The following LAMA2 variants were observed in gnomAD, a reference collection of about 807,000 sequenced individuals.
LAMA2 encodes laminin subunit alpha-2.
In LAMA2, 269 loss-of-function variants were observed where a neutral mutation model predicts 364.8. The ratio of observed to expected loss-of-function variants is 0.74; its 90% confidence interval spans 0.67 to 0.82. The LOEUF (loss-of-function observed/expected upper bound fraction) is 0.82, where lower values mean the gene tolerates loss of function less well. Ranked by LOEUF, LAMA2 falls within the 40% of genes least tolerant of loss-of-function variation. The probability of loss-of-function intolerance (pLI) is 0.00; values close to 1 mark genes in which losing one functional copy is unlikely to be tolerated. For synonymous variants in LAMA2, 1,379 were observed against 1,370.6 expected, an observed-to-expected ratio of 1.01 and a Z score of -0.14; for missense variants, 3,807 against 3,873.2, an observed-to-expected ratio of 0.98 and a Z score of 0.45.
chr6:129,401,528 A>G (rs987679452), intron 38 of LAMA2, among the ~76,000 whole-genome samples, 188 bp downstream of exon 38: 2 of 152,244 alleles, frequency 1.3e-5, no homozygotes, highest in African/African-American at 4.8e-5. Flanking sequence ...CTCCCAATGG[A>G]CATGAGTGTT....
chr6:129,010,579 A>G (rs1381405100), intron 1 of LAMA2, among the ~76,000 whole-genome samples: 1 of 152,252 alleles, frequency 6.6e-6, no homozygotes, highest in African/African-American at 2.4e-5. Context: ...CTCTAAGGTC[A>G]TAACGTGAAA....
chr6:129,124,637 C>A (rs902588843), intron 4 of LAMA2, among the ~76,000 whole-genome samples: 3 of 152,222 alleles, frequency 2.0e-5, no homozygotes, highest in Non-Finnish European at 4.4e-5. Flanking sequence ...AGCCACCAAG[C>A]TGTGTCAGGC....
intron 32 of LAMA2, among the ~76,000 whole-genome samples, chr6:129,362,688 T>A (rs1248587130): frequency 6.6e-6 from 1 of 152,166 alleles, no homozygotes; most frequent in South Asian, 2.1e-4. Flanking sequence ...TAAGTAATAA[T>A]GTAGCCCAAA....
intron 12 of LAMA2, among the ~76,000 whole-genome samples, chr6:129,194,417 G>A (rs1781718238): frequency 6.6e-6 from 1 of 152,036 alleles, no homozygotes; most frequent in Admixed American, 6.6e-5. Flanking sequence ...AGGAAAGCAA[G>A]CAAATGGAAT....
At chr6:129,456,629 ATTTAC>A in intron 48 of LAMA2, 135 bp downstream of exon 48, 1 of 865,680 alleles carries the variant, frequency 1.2e-6, no homozygotes. Flanking sequence ...GAAAACATGA[ATTTAC>A]TTTGAGTAAG....
chr6:129,356,797 A>G (rs1228124403), intron 32 of LAMA2, among the ~76,000 whole-genome samples: 2 of 152,238 alleles, frequency 1.3e-5, no homozygotes, highest in East Asian at 1.9e-4. Flanking sequence ...TAATCTCAGT[A>G]ATGACATTTA....
intron 12 of LAMA2, among the ~76,000 whole-genome samples, chr6:129,217,711 A>G (rs1783515722): frequency 6.6e-6 from 1 of 152,266 alleles, no homozygotes; most frequent in East Asian, 1.9e-4. Flanking sequence ...ACCTTTTTGA[A>G]TACTTCACAT....
intron 1 of LAMA2, among the ~76,000 whole-genome samples, chr6:128,942,059 T>C (rs1780194848): frequency 6.6e-6 from 1 of 152,192 alleles, no homozygotes; most frequent in Non-Finnish European, 1.5e-5. Flanking sequence ...AATTCCAAGA[T>C]ATATGAGTAA....
At chr6:129,179,630 A>G (rs73599046) in intron 10 of LAMA2, among the ~76,000 whole-genome samples, 2,148 of 152,206 alleles carry the variant, frequency 0.014, 40 homozygotes, top group African/African-American at 0.048. Context: ...TTGAAGCTCT[A>G]CACAGACAAT....
In LAMA2 at chr6:129,104,173, T is replaced by C. The variant is rs539801127; in HGVS notation, c.639+5758T>C. ...CAGCCTCCAGCTAATTTTTTAAAATTTTTTTGTAGAGACAGGGTCTTGCTA... is the reference window on the plus strand; with the variant it reads ...CAGCCTCCAGCTAATTTTTTAAAATCTTTTTGTAGAGACAGGGTCTTGCTA... On this transcript the variant is annotated intron_variant, in intron 4 of 64. Transcript: ENST00000421865. Among the ~76,000 whole-genome samples the C allele has an allele frequency of 1.8e-3, 274 of 152,208 alleles. 1 individual carries two copies. Among genetic ancestry groups the C allele is most frequent in the African/African-American group, 6.3e-3 (262 of 41,532 alleles).
At position 129,098,221 on chromosome 6, in the gene LAMA2, C is replaced by T. The variant is rs1775303155; in HGVS notation, c.445C>T (p.Pro149Ser). The T allele has an allele frequency of 2.5e-6, 4 of 1,613,942 alleles. No individual in the cohort carries two copies. The highest frequency in any genetic ancestry group is 1.7e-6 in the Non-Finnish European group (2 of 1,179,990). Residue 149 changes from proline (P) to serine (S), a missense_variant, in exon 4 of 65, where the codon CCT becomes TCT. Physicochemically the swap from Pro to Ser is moderately conservative, Grantham distance 74. Transcript: ENST00000421865. ...TGTGAAGGCAGCTAACTCCCCCCGG[C>T]CTGGAAACTGGATTTTGGAACGCTC... ...VIVKAANSPRPGNWILERSLD... is the reference protein window; with the variant it reads ...VIVKAANSPRSGNWILERSLD...
intron 1 of LAMA2, among the ~76,000 whole-genome samples, chr6:128,952,269 T>C (rs1780872167): frequency 6.6e-6 from 1 of 152,218 alleles, no homozygotes; most frequent in East Asian, 1.9e-4. Context: ...CAAATATCTT[T>C]CCTAGAGTAT....
chr6:129,231,871 T>C (rs1480172330), intron 12 of LAMA2, among the ~76,000 whole-genome samples: 1 of 152,140 alleles, frequency 6.6e-6, no homozygotes, highest in Non-Finnish European at 1.5e-5. Flanking sequence ...AATGTCCAGC[T>C]TCTGAAATGG....
At chr6:129,123,422 A>G (rs577861069) in intron 4 of LAMA2, among the ~76,000 whole-genome samples, 2 of 152,194 alleles carry the variant, frequency 1.3e-5, no homozygotes, top group African/African-American at 4.8e-5. Context: ...TCAAAGAGAT[A>G]TCTGCATTTC....
chr6:129,413,640 A>C (rs1780645747), intron 40 of LAMA2, among the ~76,000 whole-genome samples: 1 of 152,202 alleles, frequency 6.6e-6, no homozygotes, highest in Non-Finnish European at 1.5e-5. Flanking sequence ...AAAAAGTTTT[A>C]AAATAAAAAA....
intron 14 of LAMA2, among the ~76,000 whole-genome samples, chr6:129,253,085 G>A (rs1039801228): frequency 6.7e-6 from 1 of 150,076 alleles, no homozygotes; most frequent in East Asian, 1.9e-4. Flanking sequence ...AAATATGCTC[G>A]GGTCTGATTA....
intron 56 of LAMA2, 88 bp downstream of exon 56, chr6:129,486,710 C>A: frequency 8.1e-7 from 1 of 1,228,454 alleles, no homozygotes; most frequent in Non-Finnish European, 1.2e-6. Context: ...GCCTGAACCT[C>A]TGTGTGTGTG....
intron 40 of LAMA2, among the ~76,000 whole-genome samples, chr6:129,410,473 A>G (rs1382205595): frequency 1.3e-5 from 2 of 152,114 alleles, no homozygotes; most frequent in Admixed American, 6.5e-5. Flanking sequence ...TACACTCACA[A>G]TGTTCCTTAA....
Position 129,453,125 on chromosome 6 carries a change from C to T in LAMA2, c.6567C>T (p.Ala2189=), listed in dbSNP as rs748650667. The stretch of plus-strand genomic sequence containing the variant: ...ACCTCCTCTTTTATCTTGGAAGTGC[C>T]AAATTTGTAAGTCTAATATTCAACT... ...ADNLLFYLGS[A]KFIDFLAIEM... The change falls in exon 46 of 65, where the codon GCC becomes GCT. Residue 2189 remains alanine, a synonymous_variant. Transcript: ENST00000421865. 3.2e-5 allele frequency: 51 copies of T among 1,612,014 alleles called. No homozygotes were observed. The East Asian group carries it at 9.2e-4, about 29-fold the overall frequency.
Sources: gnomAD v4.1 joint callset for allele counts (sites outside exome capture counted in the v4.1 genomes callset) on GRCh38, gnomAD v4.1.1 for gene constraint, MANE v1.5 for transcripts, NCBI Gene and HGNC (gene_info 2026-07-23, HGNC 2026-07-21) for gene names.